Variants in NR2C2 observed in about 807,000 individuals in gnomAD.
NR2C2 encodes the protein nuclear receptor subfamily 2 group C member 2, also known as Nuclear hormone receptor TR4.
NR2C2 carries 6 observed loss-of-function variants against 62.9 expected under a neutral mutation model. The observed-to-expected ratio is 0.10, with a 90% CI of 0.05 to 0.19. NR2C2 has a LOEUF of 0.19. Ranked by LOEUF, NR2C2 falls within the 10% of genes least tolerant of loss-of-function variation. The probability of loss-of-function intolerance (pLI) is 1.00; values close to 1 mark genes in which losing one functional copy is unlikely to be tolerated. For missense variants in NR2C2, 479 were observed against 762.7 expected (o/e 0.63, Z 4.38); for synonymous variants, 272 against 273.8 (o/e 0.99, Z 0.07).
intron 8 of NR2C2, among the ~76,000 whole-genome samples, 169 bp from the exon 9 acceptor site, chr3:15,030,106 C>T (rs1208824197): frequency 2.6e-5 from 4 of 152,098 alleles, no homozygotes; most frequent in African/African-American, 9.7e-5. Flanking sequence ...AGGTAGATCA[C>T]CTGCAGTCAA....
intron 1 of NR2C2, among the ~76,000 whole-genome samples, chr3:14,960,692 C>T (rs1015660562): frequency 1.3e-5 from 2 of 152,160 alleles, no homozygotes; most frequent in Admixed American, 1.3e-4. Context: ...ATTCTGTTGA[C>T]ATCTAAAAGT....
intron 1 of NR2C2, among the ~76,000 whole-genome samples, chr3:14,964,739 G>A (rs938352190): frequency 2.0e-5 from 3 of 151,562 alleles, no homozygotes; most frequent in African/African-American, 7.3e-5. Context: ...AGCCAGGATA[G>A]TCTTGATCTC....
chr3:14,969,443 G>T (rs2039972109), intron 1 of NR2C2, among the ~76,000 whole-genome samples: 1 of 151,968 alleles, frequency 6.6e-6, no homozygotes, highest in Non-Finnish European at 1.5e-5. Context: ...GGGTTTCACT[G>T]TGTTGGCCAG....
At chr3:15,025,009 A>G (rs1030639734) in intron 7 of NR2C2, among the ~76,000 whole-genome samples, 3 of 152,216 alleles carry the variant, frequency 2.0e-5, no homozygotes, top group African/African-American at 7.2e-5. Flanking sequence ...CCTGTCATGG[A>G]GAGCTGCCCT....
At chr3:15,010,303 G>A (rs2041312732) in intron 2 of NR2C2, among the ~76,000 whole-genome samples, 1 of 151,564 alleles carries the variant, frequency 6.6e-6, no homozygotes, top group Admixed American at 6.6e-5. Context: ...GTTTTTTCAT[G>A]GGCGTGATCT....
chr3:15,028,523 T>C (rs1377839599), intron 7 of NR2C2, 63 bp from the exon 8 acceptor site: 9 of 1,538,904 alleles, frequency 5.8e-6, no homozygotes, highest in East Asian at 4.6e-5. Flanking sequence ...TATAACTTCA[T>C]TGGCCTGAGA....
intron 1 of NR2C2, among the ~76,000 whole-genome samples, chr3:14,998,774 G>T (rs570793481): frequency 6.6e-6 from 1 of 152,288 alleles, no homozygotes; most frequent in East Asian, 1.9e-4. Flanking sequence ...CACTTTGGAA[G>T]GCCAAGGAGG....
intron 4 of NR2C2, among the ~76,000 whole-genome samples, chr3:15,020,036 C>T (rs1274845801): frequency 6.6e-6 from 1 of 152,038 alleles, no homozygotes; most frequent in African/African-American, 2.4e-5. Flanking sequence ...TGGACAATTA[C>T]AATGTATCAG....
intron 4 of NR2C2, among the ~76,000 whole-genome samples, chr3:15,019,144 T>A (rs34586680): frequency 3.7e-4 from 56 of 151,730 alleles, no homozygotes; most frequent in African/African-American, 1.3e-3. Context: ...AAGAATCACT[T>A]GAACCCAGGA....
chr3:15,002,059 C>T (rs956503390), intron 1 of NR2C2, among the ~76,000 whole-genome samples: 1 of 152,110 alleles, frequency 6.6e-6, no homozygotes, highest in African/African-American at 2.4e-5. Flanking sequence ...CCTTTCTATT[C>T]TGAATGTTTT....
chr3:14,968,975 G>A (rs1222939232), intron 1 of NR2C2, among the ~76,000 whole-genome samples: 1 of 140,846 alleles, frequency 7.1e-6, no homozygotes, highest in East Asian at 2.2e-4. Context: ...ATCACACTCT[G>A]GGGACTGTTG....
At chr3:14,956,222 T>C (rs2039518726) in intron 1 of NR2C2, among the ~76,000 whole-genome samples, 1 of 152,238 alleles carries the variant, frequency 6.6e-6, no homozygotes, top group Non-Finnish European at 1.5e-5. Flanking sequence ...TTTTCTACTT[T>C]CAAGTCTTGA....
intron 2 of NR2C2, among the ~76,000 whole-genome samples, chr3:15,008,524 G>GA (rs11356699): frequency 1.9e-3 from 269 of 141,214 alleles, no homozygotes; most frequent in East Asian, 4.4e-3. Context: ...CTGGTCTCAA[G>GA]AAAAAAAAAA....
At chr3:15,000,716 T>C (rs920547606) in intron 1 of NR2C2, among the ~76,000 whole-genome samples, 2 of 152,186 alleles carry the variant, frequency 1.3e-5, no homozygotes, top group Non-Finnish European at 2.9e-5. Context: ...AAAAAGCACC[T>C]GAAATTTTGA....
At chr3:14,984,332 CCTT>C (rs1212260970) in intron 1 of NR2C2, among the ~76,000 whole-genome samples, 1 of 152,034 alleles carries the variant, frequency 6.6e-6, no homozygotes, top group Non-Finnish European at 1.5e-5. Context: ...TTATTTTCTT[CCTT>C]CTACTTTCTT....
In NR2C2 at chr3:15,032,456, C is replaced by G. The variant is rs747579003; in HGVS notation, c.1188C>G (p.Leu396=). 3.7e-6 allele frequency: 6 copies of G among 1,614,110 alleles called. No individual in the cohort carries two copies. The highest frequency in any genetic ancestry group is 2.2e-5 in the East Asian group (1 of 44,898). ...AGTCTGCATCCCGTCTGCTTTTCCT[C>G]TCAATGCACTGGGCTCGGTCAATCC... ...ICESASRLLF[L]SMHWARSIPA... is the part of the protein sequence containing the mutation. The change falls in exon 10 of 14, where the codon CTC becomes CTG. Residue 396 remains leucine, a synonymous_variant. Coordinates refer to ENST00000425241, the MANE Select transcript of NR2C2 (RefSeq NM_001291694.2).
intron 1 of NR2C2, 65 bp from the exon 2 acceptor site, chr3:15,003,811 T>G: frequency 9.7e-7 from 1 of 1,029,936 alleles, no homozygotes; most frequent in South Asian, 1.3e-5. Flanking sequence ...AGAGGCGTGG[T>G]CTTCAGGCCA....
At chr3:14,952,190 A>C (rs370106381) in intron 1 of NR2C2, among the ~76,000 whole-genome samples, 1 of 152,204 alleles carries the variant, frequency 6.6e-6, no homozygotes, top group South Asian at 2.1e-4. Flanking sequence ...CCCATTTGTC[A>C]AACAGGGAGG....
At chr3:14,951,122 G>A (rs79907814) in intron 1 of NR2C2, among the ~76,000 whole-genome samples, 2,414 of 152,232 alleles carry the variant, frequency 0.016, 68 homozygotes, top group African/African-American at 0.054. Context: ...CTGAAGAAAC[G>A]AAGCACTAAG....
Sources: gnomAD v4.1 joint callset for allele counts (sites outside exome capture counted in the v4.1 genomes callset) on GRCh38, gnomAD v4.1.1 for gene constraint, MANE v1.5 for transcripts, NCBI Gene and HGNC (gene_info 2026-07-23, HGNC 2026-07-21) for gene names.